Variants in NTHL1 observed in about 807,000 individuals in gnomAD.
NTHL1 encodes the protein nth like DNA glycosylase 1.
A neutral mutation model predicts 32.3 loss-of-function variants in NTHL1; 32 were observed. The observed-to-expected ratio is 0.99, with a 90% confidence interval of 0.75 to 1.33. NTHL1 has a LOEUF of 1.33. Ranked by LOEUF, NTHL1 falls within the 40% of genes most tolerant of loss-of-function variation. The probability of loss-of-function intolerance (pLI) is 0.00; values close to 1 mark genes in which losing one functional copy is unlikely to be tolerated. For synonymous variants in NTHL1, 188 were observed against 176.9 expected, an observed-to-expected ratio of 1.06 and a Z score of -0.50; for missense variants, 501 against 414.1, an observed-to-expected ratio of 1.21 and a Z score of -1.82.
intron 1 of NTHL1, chr16:2,047,398 G>A (rs2084480372): frequency 6.7e-6 from 3 of 445,802 alleles, no homozygotes; most frequent in South Asian, 2.7e-5. Context: ...GTTCACTGCA[G>A]GAGGGCGGGG....
Position 2,047,788 on chromosome 16 carries a change from G to C in NTHL1, c.36C>G (p.Ser12Arg), listed in dbSNP as rs1216311147. 1.3e-6 allele frequency: 2 copies of C among 1,590,246 alleles called. No individual in the cohort carries two copies. The highest frequency in any genetic ancestry group is 2.7e-5 in the African/African-American group (2 of 74,584). The part of the protein sequence containing the change: ...TALSARMLTR[S>R]RSLGPGAGPR... ...GCCCAGCCCCGGGTCCCAGGCTCCG[G>C]CTCCGGGTCAGCATCCTCGCGCTCA... The change falls in exon 1 of 6, where the codon AGC (serine) becomes AGG (arginine). Residue 12 changes from serine to arginine, a missense_variant. By Grantham distance (110) the Ser-to-Arg change is moderately radical. Coordinates refer to ENST00000651570, the MANE Select transcript of NTHL1 (RefSeq NM_002528.7).
intron 4 of NTHL1, chr16:2,042,070 T>C (rs532114704): frequency 9.6e-5 from 44 of 456,024 alleles, no homozygotes; most frequent in African/African-American, 7.4e-4. Flanking sequence ...ACATTTTAAC[T>C]GAGAGCGTTT....
Position 2,044,950 on chromosome 16 carries a change from T to G in NTHL1, c.355-150A>C. On this transcript the variant is annotated intron_variant, in intron 2 of 5. Coordinates refer to ENST00000651570, the MANE Select transcript of NTHL1 (RefSeq NM_002528.7). The surrounding 1 kb of genome is among the most constrained non-coding windows in gnomAD (Gnocchi z 5.0). ...CCCCCTGTGGGGTGGGGAGGTCTGGTTTGGGTATGTTTGGTCATCTACAAC... is the reference window on the plus strand; with the variant it reads ...CCCCCTGTGGGGTGGGGAGGTCTGGGTTGGGTATGTTTGGTCATCTACAAC... The G allele has an allele frequency of 1.3e-6, 1 of 754,156 alleles. No homozygotes were observed. The highest frequency in any genetic ancestry group is 2.1e-6 in the Non-Finnish European group (1 of 476,924). 46.7% of individuals were successfully genotyped at this position (754,156 alleles called of 1,614,324 possible).
At position 2,044,130 on chromosome 16, in the gene NTHL1, T is replaced by C; in HGVS notation, c.526-404A>G. ...TGCCGGGTGGTTCCCATCCTGTGCC[T>C]GAGTGGAGAGGGCTATTTAAAACCC... On this transcript the variant is annotated intron_variant, in intron 3 of 5. Coordinates refer to ENST00000651570, the MANE Select transcript of NTHL1 (RefSeq NM_002528.7). The surrounding 1 kb of genome is among the most constrained non-coding windows in gnomAD (Gnocchi z 5.0). 1 of 349,748 alleles carries C rather than the reference T, an allele frequency of 2.9e-6. No homozygotes were observed. The highest frequency in any genetic ancestry group is 5.5e-6 in the Non-Finnish European group (1 of 182,408). 21.7% of individuals were successfully genotyped at this position (349,748 alleles called of 1,614,324 possible). A position where few individuals can be genotyped will look rare whatever the true frequency, so the allele number is the denominator to read the frequency against.
intron 4 of NTHL1, among the ~76,000 whole-genome samples, chr16:2,042,502 GC>G (rs945907489): frequency 6.6e-6 from 1 of 152,144 alleles, no homozygotes; most frequent in Non-Finnish European, 1.5e-5. Context: ...AGTGCTGCAA[GC>G]CCCCCGCCTC....
rs903978028 is a variant in NTHL1 at position 2,044,982 on chromosome 16, A to G, written c.355-182T>C. ...ATGTTTGGTCATCTACAACACCAGG[A>G]CAATAATAGTACCTGACTCACTGGA... On this transcript the variant is annotated intron_variant, in intron 2 of 5. Transcript: ENST00000651570. The surrounding 1 kb of genome is among the most constrained non-coding windows in gnomAD (Gnocchi z 5.0). Among the ~76,000 whole-genome samples the G allele has an allele frequency of 6.6e-6, 1 of 152,210 alleles. No individual in the cohort carries two copies. Among genetic ancestry groups the G allele is most frequent in the Non-Finnish European group, 1.5e-5 (1 of 68,044 alleles).
Position 2,044,962 on chromosome 16 carries a change from T to G in NTHL1, c.355-162A>C. 1 of 694,698 alleles carries G rather than the reference T, an allele frequency of 1.4e-6. No individual in the cohort carries two copies. The highest frequency in any genetic ancestry group is 2.9e-5 in the Admixed American group (1 of 34,164). The allele number at this position is 694,698 out of a possible 1,614,324, so 43.0% of individuals were successfully genotyped here. ...TGGGGAGGTCTGGTTTGGGTATGTT[T>G]GGTCATCTACAACACCAGGACAATA... On this transcript the variant is annotated intron_variant, in intron 2 of 5. Transcript: ENST00000651570. The surrounding 1 kb of genome is among the most constrained non-coding windows in gnomAD (Gnocchi z 5.0).
rs978316029 is a variant in NTHL1, at chr16:2,039,881, A to T, written c.*43T>A. ...TTCCTGAAGCGTAAAGCCACTTCAC[A>T]GACGGTGGCCACAGCGGCACCTCGG... On this transcript the variant is annotated 3_prime_UTR_variant, in exon 6 of 6. Coordinates refer to ENST00000651570, the MANE Select transcript of NTHL1 (RefSeq NM_002528.7). The T allele has an allele frequency of 1.9e-6, 3 of 1,597,444 alleles. No homozygotes were observed. Among genetic ancestry groups the T allele is most frequent in the Admixed American group, 3.3e-5 (2 of 59,980 alleles).
At chr16:2,040,574 G>A (rs1219801357) in intron 4 of NTHL1, 13 of 448,276 alleles carry the variant, frequency 2.9e-5, no homozygotes, top group South Asian at 6.3e-5. Flanking sequence ...GTGATGACTC[G>A]GCTCTGCTTG....
Position 2,046,271 on chromosome 16 carries a change from C to G in NTHL1, c.211G>C (p.Ala71Pro). The G allele has an allele frequency of 6.2e-7, 1 of 1,613,266 alleles. No homozygotes were observed. Among genetic ancestry groups the G allele is most frequent in the Non-Finnish European group, 8.5e-7 (1 of 1,179,990 alleles). ...EGSDSEKGEG[A>P]EPLKVPVWEP... is the part of the protein sequence containing the mutation. ...CAGACTGGCACCTTGAGGGGCTCAG[C>G]CCCCTCACCTTTCTCACTGTCCGAG... is the stretch of plus-strand genomic sequence containing the variant. The change falls in exon 2 of 6, where the codon GCT becomes CCT. Residue 71 changes from alanine (A) to proline (P), a missense_variant. Ala to Pro is a conservative substitution (Grantham distance 27, BLOSUM62 -1). Transcript: ENST00000651570.
At chr16:2,047,600 G>T in intron 1 of NTHL1, 109 bp downstream of exon 1, 1 of 1,438,730 alleles carries the variant, frequency 7.0e-7, no homozygotes, top group African/African-American at 1.5e-5. Context: ...CGGCTGCCGG[G>T]TTTGCAGCCC....
At position 2,046,475 on chromosome 16, in the gene NTHL1, C is replaced by T. The variant is rs553683260; in HGVS notation, c.116-109G>A. On this transcript the variant is annotated intron_variant, in intron 1 of 5. Transcript: ENST00000651570. ...CTCACTCGTTCATGCCACAACTGTC[C>T]ATCATCTAATACACTTGGGGTGCTC... 1.1e-4 allele frequency: 109 copies of T among 1,005,448 alleles called. 1 individual carries two copies. The South Asian group carries it at 1.6e-3, about 15-fold the overall frequency. 62.3% of individuals were successfully genotyped at this position (1,005,448 alleles called of 1,614,324 possible).
At chr16:2,040,588 C>G in intron 4 of NTHL1, 1 of 424,428 alleles carries the variant, frequency 2.4e-6, no homozygotes. Flanking sequence ...CTGCTTGGAG[C>G]TCTATTCCCC....
chr16:2,040,074 CT>C (rs2084239496), intron 5 of NTHL1, 27 bp from the exon 6 acceptor site: 1 of 1,612,598 alleles, frequency 6.2e-7, no homozygotes, highest in Admixed American at 1.7e-5. Context: ...TGGGTCAGTG[CT>C]GACAGAGGGC....
rs1596228259 is a variant in NTHL1 at position 2,047,798 on chromosome 16, A to G, written c.26T>C (p.Leu9Pro). The G allele has an allele frequency of 7.5e-6, 12 of 1,592,254 alleles. No homozygotes were observed. The highest frequency in any genetic ancestry group is 2.2e-5 in the South Asian group (2 of 88,992). MTALSARM[L>P]TRSRSLGPGA... ...GGGTCCCAGGCTCCGGCTCCGGGTC[A>G]GCATCCTCGCGCTCAAGGCGGTCAT... Residue 9 changes from leucine (L) to proline (P), a missense_variant, in exon 1 of 6, where the codon CTG becomes CCG. Transcript: ENST00000651570.
intron 1 of NTHL1, 124 bp from the exon 2 acceptor site, chr16:2,046,490 T>C (rs1596224065): frequency 1.1e-6 from 1 of 879,978 alleles, no homozygotes; most frequent in Non-Finnish European, 1.7e-6. Context: ...TCTAATACAC[T>C]TGGGGTGCTC....
rs1226069436 is a variant in NTHL1 at position 2,046,266 on chromosome 16, C to T, written c.216G>A (p.Glu72=). 6.2e-7 allele frequency: 1 copy of T among 1,613,162 alleles called. No homozygotes were observed. Among genetic ancestry groups the T allele is most frequent in the Non-Finnish European group, 8.5e-7 (1 of 1,180,002 alleles). Residue 72 remains glutamate (E), a synonymous_variant, in exon 2 of 6, where the codon GAG becomes GAA. Coordinates refer to ENST00000651570, the MANE Select transcript of NTHL1 (RefSeq NM_002528.7). The part of the protein sequence containing the change: ...GSDSEKGEGA[E]PLKVPVWEPQ... Reference sequence around the variant, plus strand: ...GCTCCCAGACTGGCACCTTGAGGGGCTCAGCCCCCTCACCTTTCTCACTGT... The same window carrying T: ...GCTCCCAGACTGGCACCTTGAGGGGTTCAGCCCCCTCACCTTTCTCACTGT...
intron 1 of NTHL1, 96 bp downstream of exon 1, chr16:2,047,613 G>T: frequency 6.8e-7 from 1 of 1,467,402 alleles, no homozygotes; most frequent in Non-Finnish European, 9.0e-7. Flanking sequence ...TGCAGCCCCT[G>T]CCCGCGCAGC....
At chr16:2,041,949 C>T (rs1270122010) in intron 4 of NTHL1, 1 of 440,104 alleles carries the variant, frequency 2.3e-6, no homozygotes, top group African/African-American at 2.0e-5. Context: ...GAGCGGGTTT[C>T]ACCACGTTGG....
Sources: allele counts gnomAD v4.1 joint callset (sites outside exome capture counted in the v4.1 genomes callset), GRCh38; gene constraint gnomAD v4.1.1; non-coding constraint Gnocchi (gnomAD v3.1); transcripts MANE v1.5; gene names NCBI Gene and HGNC (gene_info 2026-07-23, HGNC 2026-07-21).